PCDHA13: variants seen among roughly 807,000 people sequenced by gnomAD.
PCDHA13 encodes protocadherin alpha 13.
In PCDHA13, 54 loss-of-function variants were observed where a neutral mutation model predicts 64.8. The ratio of observed to expected loss-of-function variants is 0.83; its 90% CI spans 0.67 to 1.04. PCDHA13 has a LOEUF of 1.04. Among genes scored for constraint, PCDHA13 ranks in the 50% least tolerant of loss-of-function variants. PCDHA13 has a pLI of 0.00. For missense variants in PCDHA13, 1,248 were observed against 1,254.3 expected (o/e 0.99, Z 0.08); for synonymous variants, 587 against 564.4 (o/e 1.04, Z -0.57).
At chr5:140,982,191 T>G (rs1431582069) in intron 2 of PCDHA13, among the ~76,000 whole-genome samples, 1 of 152,266 alleles carries the variant, frequency 6.6e-6, no homozygotes, top group African/African-American at 2.4e-5. Context: ...ATGGGCTTCC[T>G]GTTAGATTTA....
chr5:140,952,417 C>T (rs2153696080), intron 1 of PCDHA13, among the ~76,000 whole-genome samples: 1 of 152,190 alleles, frequency 6.6e-6, no homozygotes, highest in Non-Finnish European at 1.5e-5. Flanking sequence ...TAATGTTCCG[C>T]AGATTCCTAC....
chr5:141,010,923 A>T lies in PCDHA13; in HGVS notation c.*986A>T, dbSNP rs184389417. The T allele has an allele frequency of 4.0e-3, 619 of 153,912 alleles. 3 individuals are homozygous for T. Among genetic ancestry groups the T allele is most frequent in the Admixed American group, 6.2e-3 (95 of 15,302 alleles). The allele number at this position is 153,912 out of a possible 1,614,324, so 9.5% of individuals were successfully genotyped here. A position where few individuals can be genotyped will look rare whatever the true frequency, so the allele number is the denominator to read the frequency against. ...TCCCCTAAACTCTCCTCAAAAGAGA[A>T]TTCAGTCTACAGCCATTTAAATGAT... On this transcript the variant is annotated 3_prime_UTR_variant, in exon 4 of 4. Coordinates refer to ENST00000289272, the MANE Select transcript of PCDHA13 (RefSeq NM_018904.3).
intron 1 of PCDHA13, among the ~76,000 whole-genome samples, chr5:140,942,896 C>CT (rs1554215262): frequency 6.6e-6 from 1 of 151,664 alleles, no homozygotes; most frequent in African/African-American, 2.4e-5. Flanking sequence ...AAATTTATCT[C>CT]TAAGAATAAG....
intron 3 of PCDHA13, among the ~76,000 whole-genome samples, chr5:140,997,131 C>G (rs577407385): frequency 6.6e-6 from 1 of 152,008 alleles, no homozygotes; most frequent in Admixed American, 6.6e-5. Flanking sequence ...ACACAATGCC[C>G]CCACACCCCC....
chr5:141,002,157 GGGC>G (rs797024683), intron 3 of PCDHA13, among the ~76,000 whole-genome samples: 4 of 152,372 alleles, frequency 2.6e-5, no homozygotes, highest in African/African-American at 9.6e-5. Flanking sequence ...TTAGCAGAGT[GGGC>G]GGTAGGCAGG....
chr5:140,928,158 AC>A, intron 1 of PCDHA13: 7 of 1,614,066 alleles, frequency 4.3e-6, no homozygotes, highest in Non-Finnish European at 5.9e-6. Flanking sequence ...ATAGTGGCTC[AC>A]CCCCACTTAG....
intron 1 of PCDHA13, among the ~76,000 whole-genome samples, chr5:140,930,626 A>G (rs1554207971): frequency 6.6e-6 from 1 of 152,220 alleles, no homozygotes; most frequent in Non-Finnish European, 1.5e-5. Flanking sequence ...GGAGGTGTGT[A>G]GAAATTAAGG....
chr5:140,967,490 C>G (rs1554229615), intron 1 of PCDHA13: 2 of 1,613,210 alleles, frequency 1.2e-6, no homozygotes, highest in East Asian at 2.2e-5. Context: ...GGGTACGGCA[C>G]AGATCTCTGT....
intron 3 of PCDHA13, among the ~76,000 whole-genome samples, chr5:140,994,104 T>C (rs1356172498): frequency 6.6e-6 from 1 of 152,210 alleles, no homozygotes; most frequent in Non-Finnish European, 1.5e-5. Context: ...ATGGAAATAT[T>C]ACATTGTCAT....
At chr5:140,941,222 T>C (rs147673675) in intron 1 of PCDHA13, among the ~76,000 whole-genome samples, 3 of 116,858 alleles carry the variant, frequency 2.6e-5, no homozygotes, top group African/African-American at 6.4e-5. Flanking sequence ...TTCCTTTCTT[T>C]CTTTCTTTCT....
Position 140,884,117 on chromosome 5 carries a change from G to A in PCDHA13, c.1849G>A (p.Gly617Ser), listed in dbSNP as rs782383006. 1 of 1,613,298 alleles carries A rather than the reference G, an allele frequency of 6.2e-7. No homozygotes were observed. The highest frequency in any genetic ancestry group is 1.7e-5 in the Admixed American group (1 of 60,006). Residue 617 changes from glycine (G) to serine (S), a missense_variant, in exon 1 of 4, where the codon GGC (glycine) becomes AGC (serine). Transcript: ENST00000289272. ...GTATGAATTGCAGCTGGCGGCGGTC[G>A]GCGCGCGCATCCCGTTCCGCGTGGG... ...LSYELQLAAVGARIPFRVGLY... is the reference protein window; with the variant it reads ...LSYELQLAAVSARIPFRVGLY...
intron 1 of PCDHA13, among the ~76,000 whole-genome samples, chr5:140,938,157 G>C (rs532966795): frequency 6.6e-6 from 1 of 152,022 alleles, no homozygotes; most frequent in African/African-American, 2.4e-5. Context: ...CATTGCCCAG[G>C]CTAGTCTGGA....
intron 1 of PCDHA13, among the ~76,000 whole-genome samples, chr5:140,922,848 C>T (rs1345344826): frequency 2.6e-5 from 4 of 151,962 alleles, no homozygotes; most frequent in African/African-American, 9.7e-5. Flanking sequence ...TCAAAGAGAC[C>T]AAATACATAG....
chr5:140,981,673 C>T (rs1184909774), intron 2 of PCDHA13, among the ~76,000 whole-genome samples: 1 of 152,108 alleles, frequency 6.6e-6, no homozygotes, highest in African/African-American at 2.4e-5. Flanking sequence ...TTCCTTTCTT[C>T]CTTCCTCCCT....
chr5:140,884,961 C>A (rs1454276450), intron 1 of PCDHA13, among the ~76,000 whole-genome samples: 1 of 152,126 alleles, frequency 6.6e-6, no homozygotes, highest in Non-Finnish European at 1.5e-5. Context: ...AAATTCCTCA[C>A]GTTGTGAGAA....
intron 1 of PCDHA13, among the ~76,000 whole-genome samples, chr5:140,921,888 AAGG>A (rs1354196773): frequency 2.0e-5 from 3 of 152,090 alleles, no homozygotes; most frequent in African/African-American, 7.2e-5. Flanking sequence ...AGATTTTAGA[AAGG>A]AGGATAAATA....
rs184181976 is a variant in PCDHA13, at chr5:141,009,882, A to C, written c.2798A>C (p.Lys933Thr). Reference protein sequence around the residue: ...KKKKKKKKGNKTQEKKEKGNS... With the variant: ...KKKKKKKKGNTTQEKKEKGNS... Reference sequence around the variant, plus strand: ...AAGAAGAAAAAGAAGAAGGGTAACAAGACCCAGGAGAAAAAAGAGAAAGGG... The same window carrying C: ...AAGAAGAAAAAGAAGAAGGGTAACACGACCCAGGAGAAAAAAGAGAAAGGG... The change falls in exon 4 of 4, where the codon AAG becomes ACG. Residue 933 changes from lysine (K) to threonine (T), a missense_variant. Physicochemically the swap from Lys to Thr is moderately conservative, Grantham distance 78. Transcript: ENST00000289272. 6.2e-7 allele frequency: 1 copy of C among 1,613,488 alleles called. No homozygotes were observed. Among genetic ancestry groups the C allele is most frequent in the Non-Finnish European group, 8.5e-7 (1 of 1,179,914 alleles).
Position 140,896,030 on chromosome 5 carries a change from C to T in PCDHA13, c.2394+11368C>T, listed in dbSNP as rs180907288. On this transcript the variant is annotated intron_variant, in intron 1 of 3. Transcript: ENST00000289272. ...TTCTCCATGTTGGCCAGGCTGGTCT[C>T]GAACTCCTGACCTCAGGTGATCCGC... Among the ~76,000 whole-genome samples, 1,221 of 152,240 alleles carry T rather than the reference C, an allele frequency of 8.0e-3. 6 individuals are homozygous for T. The highest frequency in any genetic ancestry group is 0.019 in the African/African-American group (785 of 41,560).
intron 1 of PCDHA13, among the ~76,000 whole-genome samples, chr5:140,889,237 A>C (rs1181963973): frequency 6.6e-6 from 1 of 151,844 alleles, no homozygotes; most frequent in Non-Finnish European, 1.5e-5. Context: ...AACTTCCAGA[A>C]AATTTTCTGT....
Sources: allele counts gnomAD v4.1 joint callset (sites outside exome capture counted in the v4.1 genomes callset), GRCh38; gene constraint gnomAD v4.1.1; transcripts MANE v1.5; gene names NCBI Gene and HGNC (gene_info 2026-07-23, HGNC 2026-07-21).